The following UMAD1 variants were observed in gnomAD, a reference collection of about 807,000 sequenced individuals.
UMAD1 encodes the protein UBAP1-MVB12-associated (UMA)-domain containing protein 1.
In UMAD1, 8 loss-of-function variants were observed where a neutral mutation model predicts 6.1. That is an observed-to-expected ratio of 1.30 (90% CI 0.76 to 2.35). The LOEUF (loss-of-function observed/expected upper bound fraction) is 2.35. Among genes scored for constraint, UMAD1 ranks in the 30% most tolerant of loss-of-function variants. UMAD1 has a pLI of 0.00. For synonymous variants in UMAD1, 56 were observed against 31.4 expected, an observed-to-expected ratio of 1.78 and a Z score of -2.61; for missense variants, 130 against 78.4, an observed-to-expected ratio of 1.66 and a Z score of -2.49.
intron 3 of UMAD1, 103 bp from the exon 4 acceptor site, chr7:7,877,178 T>C (rs1301274458): frequency 6.4e-6 from 4 of 623,168 alleles, no homozygotes; most frequent in Non-Finnish European, 1.2e-5. Flanking sequence ...AATATTTATA[T>C]AGCCCACATT....
At position 7,702,416 on chromosome 7, in the gene UMAD1, G is replaced by A. The variant is rs569290956; in HGVS notation, c.82+28963G>A. Among the ~76,000 whole-genome samples, 4 of 152,206 alleles carry A rather than the reference G, an allele frequency of 2.6e-5. 1 individual carries two copies. Among genetic ancestry groups the A allele is most frequent in the African/African-American group, 9.6e-5 (4 of 41,534 alleles). ...TTTTAAATTGATATTTTATGAAGGA[G>A]TCTATGGACTATAATACGAAAATTC... On this transcript the variant is annotated intron_variant, in intron 2 of 3. Coordinates refer to ENST00000682710, the MANE Select transcript of UMAD1 (RefSeq NM_001302348.2).
rs1255851880 is a variant in UMAD1, at chr7:7,859,516, T to G, written c.157-17765T>G. Among the ~76,000 whole-genome samples, 4 of 152,200 alleles carry G rather than the reference T, an allele frequency of 2.6e-5. 1 individual carries two copies. In the East Asian group the frequency reaches 7.7e-4, roughly 29 times the overall value. On this transcript the variant is annotated intron_variant, in intron 3 of 3. Transcript: ENST00000682710. ...ACTATTTCCTTAAGAATTTTTACTATTGCAGATTTGTGGTCTAAGTCTACT... is the reference window on the plus strand; with the variant it reads ...ACTATTTCCTTAAGAATTTTTACTAGTGCAGATTTGTGGTCTAAGTCTACT...
intron 3 of UMAD1, among the ~76,000 whole-genome samples, chr7:7,860,198 G>T (rs1369272241): frequency 1.3e-5 from 2 of 152,068 alleles, no homozygotes; most frequent in African/African-American, 4.8e-5. Flanking sequence ...ATTATATTCA[G>T]ATTTTAATTT....
In UMAD1 at chr7:7,797,840, C is replaced by T. The variant is rs1782719388; in HGVS notation, c.83-3830C>T. On this transcript the variant is annotated intron_variant, in intron 2 of 3. Transcript: ENST00000682710. Reference sequence around the variant, plus strand: ...AGTAGCTAGGGTTACAGGCACATGCCACCACCCCCAGCTAATTTTTGTATT... The same window carrying T: ...AGTAGCTAGGGTTACAGGCACATGCTACCACCCCCAGCTAATTTTTGTATT... 2.0e-5 allele frequency among the ~76,000 whole-genome samples: 3 copies of T among 152,136 alleles called. No individual in the cohort carries two copies. The South Asian group carries it at 6.2e-4, about 32-fold the overall frequency.
intron 2 of UMAD1, among the ~76,000 whole-genome samples, chr7:7,779,247 G>A (rs1217122014): frequency 6.6e-6 from 1 of 151,382 alleles, no homozygotes; most frequent in Non-Finnish European, 1.5e-5. Flanking sequence ...AAGGCCTCAT[G>A]AAAACATAAA....
chr7:7,871,758 C>T (rs1784336726), intron 3 of UMAD1, among the ~76,000 whole-genome samples: 1 of 151,858 alleles, frequency 6.6e-6, no homozygotes, highest in South Asian at 2.1e-4. Context: ...AATGAGAAAG[C>T]ATGTCCCAAT....
At chr7:7,743,090 A>G (rs1781505686) in intron 2 of UMAD1, among the ~76,000 whole-genome samples, 1 of 152,172 alleles carries the variant, frequency 6.6e-6, no homozygotes, top group Non-Finnish European at 1.5e-5. Flanking sequence ...CTTTTAGTTT[A>G]TTCACATGAA....
intron 2 of UMAD1, among the ~76,000 whole-genome samples, chr7:7,777,780 G>A (rs1043115915): frequency 2.6e-5 from 4 of 151,938 alleles, no homozygotes; most frequent in Non-Finnish European, 4.4e-5. Context: ...TTTGTAAAAG[G>A]GAGTGGGGAA....
At chr7:7,837,250 G>C (rs532729480) in intron 3 of UMAD1, among the ~76,000 whole-genome samples, 1 of 152,030 alleles carries the variant, frequency 6.6e-6, no homozygotes, top group African/African-American at 2.4e-5. Context: ...ATTTTTTTCA[G>C]ATATATAAAA....
At chr7:7,645,403 C>G (rs1355583099) in intron 1 of UMAD1, among the ~76,000 whole-genome samples, 5 of 152,160 alleles carry the variant, frequency 3.3e-5, no homozygotes, top group Admixed American at 6.5e-5. Context: ...CTCAGGGCCC[C>G]AGGTTCTTTC....
intron 1 of UMAD1, among the ~76,000 whole-genome samples, chr7:7,672,789 T>C (rs1232636299): frequency 6.6e-6 from 1 of 152,192 alleles, no homozygotes; most frequent in Non-Finnish European, 1.5e-5. Flanking sequence ...TATTTCTTCA[T>C]AGCAGTGTGA....
intron 2 of UMAD1, among the ~76,000 whole-genome samples, chr7:7,683,282 C>CCCA (rs1779957489): frequency 6.6e-6 from 1 of 152,116 alleles, no homozygotes; most frequent in Non-Finnish European, 1.5e-5. Context: ...GGTGCTGGGA[C>CCCA]CCATTCCTAG....
chr7:7,662,215 T>C (rs1185805151), intron 1 of UMAD1, among the ~76,000 whole-genome samples: 1 of 152,166 alleles, frequency 6.6e-6, no homozygotes, highest in Non-Finnish European at 1.5e-5. Context: ...GCAGCGATAA[T>C]TTCAAGCCAG....
At chr7:7,857,726 T>G (rs758984610) in intron 3 of UMAD1, among the ~76,000 whole-genome samples, 1 of 152,226 alleles carries the variant, frequency 6.6e-6, no homozygotes, top group Non-Finnish European at 1.5e-5. Flanking sequence ...AAGATCCACA[T>G]AGAATTAGCA....
At chr7:7,712,357 A>T (rs1336329366) in intron 2 of UMAD1, among the ~76,000 whole-genome samples, 1 of 152,090 alleles carries the variant, frequency 6.6e-6, no homozygotes, top group Admixed American at 6.5e-5. Context: ...ATTTCTGTCC[A>T]TTTGCTTAGG....
At chr7:7,744,700 T>C (rs991251993) in intron 2 of UMAD1, among the ~76,000 whole-genome samples, 20 of 152,160 alleles carry the variant, frequency 1.3e-4, no homozygotes, top group Non-Finnish European at 7.4e-5. Flanking sequence ...CGTGTGCTTA[T>C]TGGCCATTTA....
intron 2 of UMAD1, among the ~76,000 whole-genome samples, chr7:7,693,987 C>G (rs773425134): frequency 1.4e-4 from 21 of 152,032 alleles, no homozygotes; most frequent in Non-Finnish European, 2.6e-4. Context: ...GTCAGTTGTT[C>G]TGGAATACTA....
intron 1 of UMAD1, among the ~76,000 whole-genome samples, chr7:7,649,358 C>T (rs1785170302): frequency 6.6e-6 from 1 of 151,942 alleles, no homozygotes; most frequent in Non-Finnish European, 1.5e-5. Flanking sequence ...CAGGAAACTA[C>T]TCCCCCAATA....
rs191975870 is a variant in UMAD1, at chr7:7,686,403, T to A, written c.82+12950T>A. 3.9e-4 allele frequency among the ~76,000 whole-genome samples: 60 copies of A among 152,312 alleles called. 1 individual carries two copies. Among genetic ancestry groups the A allele is most frequent in the Admixed American group, 1.2e-3 (19 of 15,302 alleles). The stretch of plus-strand genomic sequence containing the variant: ...AGACCATTTTAAAGCAGTAAAGTTA[T>A]GGGTTTTGTTTTTTTGTATTTTTTA... On this transcript the variant is annotated intron_variant, in intron 2 of 3. Transcript: ENST00000682710.
Sources: gnomAD v4.1 joint callset for allele counts (sites outside exome capture counted in the v4.1 genomes callset) on GRCh38, gnomAD v4.1.1 for gene constraint, MANE v1.5 for transcripts, NCBI Gene and HGNC (gene_info 2026-07-23, HGNC 2026-07-21) for gene names.